PDSS2: variants seen among roughly 807,000 people sequenced by gnomAD.
PDSS2 encodes the protein decaprenyl diphosphate synthase subunit 2.
In PDSS2, 31 loss-of-function variants were observed where a neutral mutation model predicts 44.5. That is an observed-to-expected ratio of 0.70 (90% CI 0.52 to 0.94). The LOEUF is 0.94. PDSS2 is among the 40% of genes least tolerant of loss of function. The pLI, the probability that PDSS2 is intolerant of heterozygous loss-of-function variation, is 0.00. For missense variants in PDSS2, 452 were observed against 482.2 expected (o/e 0.94, Z 0.59); for synonymous variants, 157 against 180.3 (o/e 0.87, Z 1.03).
chr6:107,261,142 G>A (rs190336908), intron 3 of PDSS2, among the ~76,000 whole-genome samples: 7 of 152,280 alleles, frequency 4.6e-5, no homozygotes, highest in Admixed American at 2.6e-4. Flanking sequence ...TCCTGCCTTC[G>A]CATCTGCAGC....
At chr6:107,458,412 C>CAAAGAAAAAAAAAAAA (rs1782120667) in intron 1 of PDSS2, among the ~76,000 whole-genome samples, 1 of 78,182 alleles carries the variant, frequency 1.3e-5, no homozygotes, top group Non-Finnish European at 2.5e-5. Flanking sequence ...GACTCCGTCT[C>CAAAGAAAAAAAAAAAA]AAAAAAAAAA....
chr6:107,377,040 G>A (rs866622701), intron 1 of PDSS2, among the ~76,000 whole-genome samples: 6 of 150,260 alleles, frequency 4.0e-5, no homozygotes, highest in African/African-American at 1.2e-4. Context: ...TGACAAATGG[G>A]ATCTAATTAA....
At chr6:107,255,148 T>C (rs1774966440) in intron 3 of PDSS2, among the ~76,000 whole-genome samples, 1 of 150,978 alleles carries the variant, frequency 6.6e-6, no homozygotes, top group African/African-American at 2.4e-5. Context: ...CTACCACGCC[T>C]GGCCAAAATT....
intron 2 of PDSS2, among the ~76,000 whole-genome samples, chr6:107,276,194 G>A (rs1464755184): frequency 6.6e-6 from 1 of 151,562 alleles, no homozygotes; most frequent in Non-Finnish European, 1.5e-5. Context: ...GAGTGGATTC[G>A]AGAACCATTT....
chr6:107,459,281 T>C lies in PDSS2; in HGVS notation c.5A>G (p.Asn2Ser). The change falls in exon 1 of 8, where the codon AAC (asparagine) becomes AGC (serine). Residue 2 changes from asparagine to serine, a missense_variant. Transcript: ENST00000369037. The surrounding 1 kb of genome is among the most constrained non-coding windows in gnomAD (Gnocchi z 4.3). The part of the protein sequence containing the change: M[N>S]FRQLLLHLPR... ...CAAGTGCAACAGCAGCTGCCGAAAG[T>C]TCATGGTTTGAGTCTGGAAGGGTCT... 1 of 1,613,844 alleles carries C rather than the reference T, an allele frequency of 6.2e-7. No homozygotes were observed. Among genetic ancestry groups the C allele is most frequent in the East Asian group, 2.2e-5 (1 of 44,874 alleles).
chr6:107,343,546 A>T (rs1014827758), intron 1 of PDSS2, among the ~76,000 whole-genome samples: 1 of 152,216 alleles, frequency 6.6e-6, no homozygotes, highest in Non-Finnish European at 1.5e-5. Flanking sequence ...AAAAGCAGAA[A>T]ATCTGTCCAC....
At chr6:107,317,763 G>C (rs1229545848) in intron 2 of PDSS2, among the ~76,000 whole-genome samples, 1 of 152,076 alleles carries the variant, frequency 6.6e-6, no homozygotes, top group Non-Finnish European at 1.5e-5. Context: ...AATTAGTAAT[G>C]GTCACCATTT....
Position 107,429,935 on chromosome 6 carries a change from T to C in PDSS2, c.296+29055A>G, listed in dbSNP as rs1199560823. On this transcript the variant is annotated intron_variant, in intron 1 of 7. Transcript: ENST00000369037. The stretch of plus-strand genomic sequence containing the variant: ...ATATATATATATATATATATATATA[T>C]ATACACCAAACCCAGAAAGAAAGAT... Among the ~76,000 whole-genome samples the C allele has an allele frequency of 6.5e-5, 7 of 107,050 alleles. No individual in the cohort carries two copies. In the East Asian group the frequency reaches 1.1e-3, roughly 17 times the overall value. 70.2% of individuals were successfully genotyped at this position (107,050 alleles called of 152,430 possible). A position where few individuals can be genotyped will look rare whatever the true frequency, so the allele number is the denominator to read the frequency against.
At chr6:107,260,658 A>ATTTTTTTTTTTTTTTTTTTTT (rs540553793) in intron 3 of PDSS2, among the ~76,000 whole-genome samples, 4 of 93,428 alleles carry the variant, frequency 4.3e-5, no homozygotes, top group African/African-American at 8.1e-5. Flanking sequence ...TTCCCCCTTC[A>ATTTTTTTTTTTTTTTTTTTTT]TTTTTTTTTT....
chr6:107,435,139 T>C (rs1323095291), intron 1 of PDSS2, among the ~76,000 whole-genome samples: 2 of 151,952 alleles, frequency 1.3e-5, no homozygotes, highest in Non-Finnish European at 2.9e-5. Context: ...ATTAGCCCAG[T>C]GTGGTGTTAC....
chr6:107,211,572 A>T (rs938289362), intron 5 of PDSS2, among the ~76,000 whole-genome samples: 3 of 151,796 alleles, frequency 2.0e-5, no homozygotes, highest in Non-Finnish European at 4.4e-5. Flanking sequence ...TCTACTAAAA[A>T]TACAAAAATT....
intron 2 of PDSS2, among the ~76,000 whole-genome samples, chr6:107,326,109 T>C (rs545398652): frequency 2.0e-5 from 3 of 150,866 alleles, no homozygotes; most frequent in South Asian, 4.2e-4. Flanking sequence ...TTTTTCTTTT[T>C]TTTTTTTTTT....
Position 107,459,061 on chromosome 6 carries a change from G to C in PDSS2, c.225C>G (p.Asp75Glu). 2 of 1,613,886 alleles carry C rather than the reference G, an allele frequency of 1.2e-6. No individual in the cohort carries two copies. The highest frequency in any genetic ancestry group is 1.7e-5 in the Admixed American group (1 of 60,030). ...CCTGCATAGCGATGTTGCTGAGCTC[G>C]TCGCTCAGCAGGCAGCGAAGGCTCA... ...SFMSLRCLLS[D>E]ELSNIAMQVR... Residue 75 changes from aspartate (D) to glutamate (E), a missense_variant, in exon 1 of 8, where the codon GAC becomes GAG. Asp to Glu is a conservative substitution (Grantham distance 45). Transcript: ENST00000369037. The surrounding 1 kb of genome is among the most constrained non-coding windows in gnomAD (Gnocchi z 4.3).
rs867479235 is a variant in PDSS2 at position 107,288,862 on chromosome 6, C to T, written c.432-14635G>A. On this transcript the variant is annotated intron_variant, in intron 2 of 7. Coordinates refer to ENST00000369037, the MANE Select transcript of PDSS2 (RefSeq NM_020381.4). ...GCAACCTCCGCCTACCGGATTCAAG[C>T]GATTCTCTGCCTCAGCCTCCCGAGT... 4.8e-5 allele frequency among the ~76,000 whole-genome samples: 7 copies of T among 145,914 alleles called. No individual in the cohort carries two copies. The South Asian group carries it at 1.1e-3, about 23-fold the overall frequency.
intron 6 of PDSS2, among the ~76,000 whole-genome samples, chr6:107,202,546 C>T (rs1370897572): frequency 6.6e-6 from 1 of 152,084 alleles, no homozygotes; most frequent in African/African-American, 2.4e-5. Flanking sequence ...TTGTGTTGCT[C>T]GGCTTTCTAG....
chr6:107,386,379 T>TAAAA (rs57917321), intron 1 of PDSS2, among the ~76,000 whole-genome samples: 1 of 143,558 alleles, frequency 7.0e-6, no homozygotes, highest in African/African-American at 2.6e-5. Context: ...TGTCATTTTC[T>TAAAA]AAAAAAAAAA....
intron 1 of PDSS2, among the ~76,000 whole-genome samples, chr6:107,403,128 G>C (rs1780200039): frequency 6.6e-6 from 1 of 152,156 alleles, no homozygotes; most frequent in Non-Finnish European, 1.5e-5. Context: ...AGACACAATG[G>C]GAGTACAGGC....
At chr6:107,448,509 C>G (rs1169548523) in intron 1 of PDSS2, among the ~76,000 whole-genome samples, 1 of 152,176 alleles carries the variant, frequency 6.6e-6, no homozygotes, top group Non-Finnish European at 1.5e-5. Flanking sequence ...TTTCTCATTT[C>G]CATCTAAGAC....
chr6:107,254,447 A>G (rs1372244223), intron 3 of PDSS2, among the ~76,000 whole-genome samples: 2 of 152,208 alleles, frequency 1.3e-5, no homozygotes, highest in Non-Finnish European at 2.9e-5. Context: ...TTACTATAAA[A>G]ACTATAATAA....
Sources: gnomAD v4.1 joint callset for allele counts (sites outside exome capture counted in the v4.1 genomes callset) on GRCh38, gnomAD v4.1.1 for gene constraint, Gnocchi (gnomAD v3.1) non-coding constraint, MANE v1.5 for transcripts, NCBI Gene and HGNC (gene_info 2026-07-23, HGNC 2026-07-21) for gene names.